Variants in PARD3 observed in about 807,000 individuals in gnomAD.
The protein encoded by PARD3 is partitioning defective 3 homolog.
Under a neutral mutation model 155.4 loss-of-function variants are expected in PARD3, and 75 were observed. The observed-to-expected ratio is 0.48, with a 90% CI of 0.40 to 0.58. PARD3 has a LOEUF of 0.58. PARD3 is among the 20% of genes least tolerant of loss of function. The probability of loss-of-function intolerance (pLI) is 0.00; values close to 1 mark genes in which losing one functional copy is unlikely to be tolerated. For missense variants in PARD3, 1,642 were observed against 1,721.7 expected (o/e 0.95, Z 0.82); for synonymous variants, 576 against 610.5 (o/e 0.94, Z 0.83).
At chr10:34,152,287 G>A (rs1948815684) in intron 22 of PARD3, among the ~76,000 whole-genome samples, 2 of 152,166 alleles carry the variant, frequency 1.3e-5, no homozygotes, top group African/African-American at 4.8e-5. Context: ...TGGGTTGTTA[G>A]GCAATATCAT....
At chr10:34,290,203 ATG>A (rs896930287) in intron 20 of PARD3, among the ~76,000 whole-genome samples, 1 of 152,218 alleles carries the variant, frequency 6.6e-6, no homozygotes, top group Non-Finnish European at 1.5e-5. Flanking sequence ...TTTGTAATGA[ATG>A]TGTTTTTCCT....
chr10:34,270,640 C>T (rs1339635232), intron 21 of PARD3, among the ~76,000 whole-genome samples: 3 of 152,154 alleles, frequency 2.0e-5, no homozygotes, highest in East Asian at 1.9e-4. Flanking sequence ...ATTATTAATA[C>T]ACCATAAACA....
intron 2 of PARD3, among the ~76,000 whole-genome samples, chr10:34,533,163 T>C (rs552027809): frequency 9.9e-5 from 15 of 152,202 alleles, no homozygotes; most frequent in Non-Finnish European, 2.1e-4. Flanking sequence ...ACCAAAATAT[T>C]GTTATTCAGT....
At chr10:34,288,737 C>T (rs1008458767) in intron 20 of PARD3, among the ~76,000 whole-genome samples, 2 of 152,310 alleles carry the variant, frequency 1.3e-5, no homozygotes, top group East Asian at 3.9e-4. Context: ...GAGCCACCTT[C>T]CAAGAAACAG....
At chr10:34,514,106 C>T (rs995775670) in intron 3 of PARD3, among the ~76,000 whole-genome samples, 1 of 152,120 alleles carries the variant, frequency 6.6e-6, no homozygotes, top group African/African-American at 2.4e-5. Flanking sequence ...AATACCCAAA[C>T]TTCGTATCCA....
rs549809858 is a variant in PARD3 at position 34,581,126 on chromosome 10, T to G, written c.223-63967A>C. On this transcript the variant is annotated intron_variant, in intron 2 of 24. Coordinates refer to ENST00000374788, the MANE Select transcript of PARD3 (RefSeq NM_001184785.2). ...TTTAGATTCCTTTAAAAGCTCATAA[T>G]TATTGCACTGTTTAAATACAGCATC... 2.4e-3 allele frequency among the ~76,000 whole-genome samples: 359 copies of G among 152,278 alleles called. 3 individuals are homozygous for G. The highest frequency in any genetic ancestry group is 3.7e-3 in the Non-Finnish European group (253 of 68,038).
chr10:34,451,467 T>G (rs907561277), intron 4 of PARD3, among the ~76,000 whole-genome samples: 1 of 152,168 alleles, frequency 6.6e-6, no homozygotes, highest in African/African-American at 2.4e-5. Flanking sequence ...TGCTAAACTA[T>G]ATGAACACCC....
intron 22 of PARD3, among the ~76,000 whole-genome samples, chr10:34,245,593 A>T (rs750309755): frequency 2.6e-5 from 4 of 151,758 alleles, no homozygotes; most frequent in Non-Finnish European, 4.4e-5. Flanking sequence ...AACAAAACAA[A>T]ACAAAACAAA....
chr10:34,178,519 C>T (rs528897627), intron 22 of PARD3, among the ~76,000 whole-genome samples: 3 of 152,208 alleles, frequency 2.0e-5, no homozygotes, highest in South Asian at 4.2e-4. Flanking sequence ...TGACCTTTAG[C>T]GTAAGAATTG....
chr10:34,534,277 A>G (rs1025380897), intron 2 of PARD3, among the ~76,000 whole-genome samples: 16 of 151,918 alleles, frequency 1.1e-4, no homozygotes, highest in African/African-American at 3.9e-4. Context: ...AAAAAAAAAA[A>G]AGACCCAGAA....
At chr10:34,769,799 C>CAAAAAAAAAAAAAAAAAAAAAAAAAAAA (rs372925164) in intron 1 of PARD3, among the ~76,000 whole-genome samples, 1 of 66,640 alleles carries the variant, frequency 1.5e-5, no homozygotes. Flanking sequence ...AACAAAAAAA[C>CAAAAAAAAAAAAAAAAAAAAAAAAAAAA]AAAACAAAAA....
At chr10:34,539,728 TA>T (rs1425447566) in intron 2 of PARD3, among the ~76,000 whole-genome samples, 1 of 152,102 alleles carries the variant, frequency 6.6e-6, no homozygotes, top group African/African-American at 2.4e-5. Context: ...TGGATTGTCC[TA>T]GGTCTGCTGT....
chr10:34,463,817 G>A (rs1458972696), intron 4 of PARD3, among the ~76,000 whole-genome samples: 2 of 152,020 alleles, frequency 1.3e-5, no homozygotes, highest in Non-Finnish European at 2.9e-5. Flanking sequence ...TAGATATGTT[G>A]GATACACAAA....
chr10:34,167,660 C>T (rs1012128441), intron 22 of PARD3, among the ~76,000 whole-genome samples: 9 of 152,006 alleles, frequency 5.9e-5, no homozygotes, highest in South Asian at 2.1e-4. Context: ...AAAGCAGAAC[C>T]GAATAAAATA....
chr10:34,232,744 A>C (rs979542462), intron 22 of PARD3, among the ~76,000 whole-genome samples: 1 of 152,124 alleles, frequency 6.6e-6, no homozygotes, highest in Non-Finnish European at 1.5e-5. Context: ...TGTATTGCCC[A>C]AGCGGGAGTG....
intron 10 of PARD3, 90 bp from the exon 11 acceptor site, chr10:34,375,092 ACACT>A: frequency 5.7e-6 from 5 of 877,306 alleles, no homozygotes; most frequent in South Asian, 3.2e-5. Context: ...ACACACACAC[ACACT>A]CTAGGACTAG....
intron 2 of PARD3, among the ~76,000 whole-genome samples, chr10:34,689,447 A>T (rs1400888786): frequency 4.6e-5 from 7 of 152,248 alleles, no homozygotes; most frequent in Admixed American, 3.9e-4. Context: ...ACTCAACAAT[A>T]TTTAAATCAA....
At chr10:34,349,845 C>T (rs1303943415) in intron 14 of PARD3, among the ~76,000 whole-genome samples, 1 of 152,124 alleles carries the variant, frequency 6.6e-6, no homozygotes, top group Non-Finnish European at 1.5e-5. Flanking sequence ...CTTTATAAAA[C>T]TTCTTCTTGA....
At chr10:34,312,800 C>T (rs1957775148) in intron 20 of PARD3, among the ~76,000 whole-genome samples, 1 of 152,140 alleles carries the variant, frequency 6.6e-6, no homozygotes, top group Non-Finnish European at 1.5e-5. Context: ...ACAATAAGGT[C>T]ACGTCTAAGA....
Sources: allele counts gnomAD v4.1 joint callset (sites outside exome capture counted in the v4.1 genomes callset), GRCh38; gene constraint gnomAD v4.1.1; transcripts MANE v1.5; gene names NCBI Gene and HGNC (gene_info 2026-07-23, HGNC 2026-07-21).